MMP26: variants seen among roughly 807,000 people sequenced by gnomAD.
MMP26 encodes matrix metallopeptidase 26, also known as matrix metalloproteinase-26.
Under a neutral mutation model 31.0 loss-of-function variants are expected in MMP26, and 33 were observed. The observed-to-expected ratio is 1.06, with a 90% CI of 0.81 to 1.42. The LOEUF (loss-of-function observed/expected upper bound fraction) is 1.42. MMP26 is among the 40% of genes most tolerant of loss of function. The probability of loss-of-function intolerance (pLI) is 0.00; values close to 1 mark genes in which losing one functional copy is unlikely to be tolerated. For missense variants in MMP26, 347 were observed against 316.1 expected (o/e 1.10, Z -0.74); for synonymous variants, 122 against 114.9 (o/e 1.06, Z -0.40).
chr11:4,828,480 G>T (rs920112287), intron 2 of MMP26, among the ~76,000 whole-genome samples: 1 of 152,142 alleles, frequency 6.6e-6, no homozygotes. Flanking sequence ...AATGATGATG[G>T]CAATAGATAT....
chr11:4,724,922 A>G (rs1289767910), intron 1 of MMP26, among the ~76,000 whole-genome samples: 3 of 152,222 alleles, frequency 2.0e-5, no homozygotes, highest in Non-Finnish European at 2.9e-5. Context: ...TCCTGCCTAA[A>G]TCTCACAATG....
intron 2 of MMP26, among the ~76,000 whole-genome samples, chr11:4,819,768 T>TG (rs1006350678): frequency 4.6e-5 from 7 of 151,828 alleles, no homozygotes; most frequent in Admixed American, 3.3e-4. Context: ...TTTGTAGAGA[T>TG]GGGGTTTCCC....
At chr11:4,754,648 C>G (rs1848485174) in intron 1 of MMP26, among the ~76,000 whole-genome samples, 1 of 151,962 alleles carries the variant, frequency 6.6e-6, no homozygotes, top group African/African-American at 2.4e-5. Context: ...GTTTTATCAT[C>G]TAATTGACTA....
At chr11:4,708,282 C>T (rs1389464) in intron 1 of MMP26, among the ~76,000 whole-genome samples, 88,906 of 152,000 alleles carry the variant, frequency 0.58, 26,579 homozygotes, top group African/African-American at 0.68. Context: ...TCTTTCTTTG[C>T]GTGTGTGTGA....
At chr11:4,830,655 C>A (rs2133480185) in intron 2 of MMP26, among the ~76,000 whole-genome samples, 1 of 152,290 alleles carries the variant, frequency 6.6e-6, no homozygotes, top group African/African-American at 2.4e-5. Context: ...AGACTGTTAG[C>A]CATACCATTA....
At position 4,758,466 on chromosome 11, in the gene MMP26, GAAAA is replaced by G. The variant is rs376347621; in HGVS notation, c.-216-8786_-216-8783del. Among the ~76,000 whole-genome samples the G allele has an allele frequency of 3.4e-3, 322 of 93,364 alleles. 1 individual carries two copies. Among genetic ancestry groups the G allele is most frequent in the South Asian group, 9.9e-3 (25 of 2,520 alleles). 61.3% of individuals were successfully genotyped at this position (93,364 alleles called of 152,430 possible). A position where few individuals can be genotyped will look rare whatever the true frequency, so the allele number is the denominator to read the frequency against. ...GTTAGGTAAGCTGATCATCCATTTG[GAAAA>G]AAAAAAAAAAAAAAAAACTAAAATA... On this transcript the variant is annotated intron_variant, in intron 1 of 7. Transcript: ENST00000380390.
rs1850404084 is a variant in MMP26, at chr11:4,877,780, G to A, written c.-144-110288G>A. 2.0e-5 allele frequency: 3 copies of A among 152,012 alleles called. No homozygotes were observed. The South Asian group carries it at 6.2e-4, about 31-fold the overall frequency. The allele number at this position is 152,012 out of a possible 1,614,324, so 9.4% of individuals were successfully genotyped here. A position where few individuals can be genotyped will look rare whatever the true frequency, so the allele number is the denominator to read the frequency against. On this transcript the variant is annotated intron_variant, in intron 2 of 7. Transcript: ENST00000380390. ...GTATCAAATAGTACAAATACAATGG[G>A]TAGTGATATGAAATTGCATAATGGT...
intron 1 of MMP26, among the ~76,000 whole-genome samples, chr11:4,747,771 A>G (rs1477319748): frequency 6.6e-6 from 1 of 152,128 alleles, no homozygotes; most frequent in Non-Finnish European, 1.5e-5. Flanking sequence ...AATAGGCAAC[A>G]TAAGAAAACC....
intron 2 of MMP26, among the ~76,000 whole-genome samples, chr11:4,824,062 G>A (rs1051175639): frequency 6.6e-6 from 1 of 152,118 alleles, no homozygotes; most frequent in Non-Finnish European, 1.5e-5. Context: ...ACCTTAGACT[G>A]TTTGGGGGGA....
intron 2 of MMP26, among the ~76,000 whole-genome samples, chr11:4,800,345 G>T (rs1415135530): frequency 6.6e-6 from 1 of 152,192 alleles, no homozygotes; most frequent in Non-Finnish European, 1.5e-5. Flanking sequence ...GTTACAGCTG[G>T]CACACTCTAG....
At chr11:4,896,714 A>T (rs1326609955) in intron 2 of MMP26, among the ~76,000 whole-genome samples, 2 of 152,206 alleles carry the variant, frequency 1.3e-5, no homozygotes, top group South Asian at 2.1e-4. Context: ...TATAATTTAC[A>T]CATGGTAAGA....
chr11:4,708,406 C>G (rs776958732), intron 1 of MMP26, among the ~76,000 whole-genome samples: 19 of 152,164 alleles, frequency 1.2e-4, no homozygotes, highest in Non-Finnish European at 2.2e-4. Context: ...GTCTAAGCTC[C>G]TGTCTTTTCA....
At chr11:4,739,498 A>G (rs976865330) in intron 1 of MMP26, among the ~76,000 whole-genome samples, 1 of 152,148 alleles carries the variant, frequency 6.6e-6, no homozygotes, top group Non-Finnish European at 1.5e-5. Context: ...AAGATGGGGC[A>G]ATTTTCTCTA....
chr11:4,989,248 G>A (rs1177064096), intron 3 of MMP26, among the ~76,000 whole-genome samples: 1 of 152,158 alleles, frequency 6.6e-6, no homozygotes, highest in African/African-American at 2.4e-5. Context: ...TGCAGAACCA[G>A]CCAAATTTTA....
chr11:4,872,425 G>C (rs897686149), intron 2 of MMP26, among the ~76,000 whole-genome samples: 4 of 151,906 alleles, frequency 2.6e-5, no homozygotes, highest in African/African-American at 9.7e-5. Flanking sequence ...GGGAATTAAG[G>C]GGCAAGGGGA....
chr11:4,903,481 A>G (rs1850833288), intron 2 of MMP26, among the ~76,000 whole-genome samples: 2 of 152,146 alleles, frequency 1.3e-5, no homozygotes, highest in Non-Finnish European at 2.9e-5. Flanking sequence ...TTTTGATTAT[A>G]GATAACATGT....
chr11:4,764,252 T>A (rs1030012567), intron 1 of MMP26, among the ~76,000 whole-genome samples: 1 of 152,202 alleles, frequency 6.6e-6, no homozygotes, highest in African/African-American at 2.4e-5. Flanking sequence ...GTTGACAATA[T>A]TTTTTTGCTT....
At chr11:4,903,590 T>G (rs1157892614) in intron 2 of MMP26, among the ~76,000 whole-genome samples, 1 of 152,114 alleles carries the variant, frequency 6.6e-6, no homozygotes, top group East Asian at 1.9e-4. Context: ...CTGTAGTTTG[T>G]CTCACAATTT....
At chr11:4,882,772 T>A (rs1850494770) in intron 2 of MMP26, 1 of 1,613,794 alleles carries the variant, frequency 6.2e-7, no homozygotes, top group Non-Finnish European at 8.5e-7. Context: ...TGCTGAACCC[T>A]ATCATTTACA....
Sources: allele counts gnomAD v4.1 joint callset (sites outside exome capture counted in the v4.1 genomes callset), GRCh38; gene constraint gnomAD v4.1.1; transcripts MANE v1.5; gene names NCBI Gene and HGNC (gene_info 2026-07-23, HGNC 2026-07-21).